GPI: variants seen among roughly 807,000 people sequenced by gnomAD.
The protein encoded by GPI is D-hexose-6-phosphate anomerase.
In GPI, 56 loss-of-function variants were observed where a neutral mutation model predicts 75.8. That is an observed-to-expected ratio of 0.74 (90% CI 0.60 to 0.92). The LOEUF (loss-of-function observed/expected upper bound fraction) is 0.92, where lower values mean the gene tolerates loss of function less well. Among genes scored for constraint, GPI ranks in the 40% least tolerant of loss-of-function variants. The pLI is 0.00. For missense variants in GPI, 638 were observed against 741.0 expected (o/e 0.86, Z 1.61); for synonymous variants, 288 against 285.4 (o/e 1.01, Z -0.09).
chr19:34,386,543 C>T (rs1435063607), intron 9 of GPI, among the ~76,000 whole-genome samples: 1 of 152,192 alleles, frequency 6.6e-6, no homozygotes, highest in African/African-American at 2.4e-5. Context: ...GAGTTGGATT[C>T]AGGCACAGGA....
chr19:34,399,591 G>A lies in GPI; in HGVS notation c.1434G>A (p.Val478=). The change falls in exon 16 of 18, where the codon GTG becomes GTA. Residue 478 remains valine (V), a synonymous_variant. Transcript: ENST00000356487. ...GAAATCGCCCAACCAACTCTATTGTGTTCACCAAGCTCACACCATTCATGC... is the reference window on the plus strand; with the variant it reads ...GAAATCGCCCAACCAACTCTATTGTATTCACCAAGCTCACACCATTCATGC... The part of the protein sequence containing the change: ...FEGNRPTNSI[V]FTKLTPFMLG... 6.2e-7 allele frequency: 1 copy of A among 1,614,038 alleles called. No homozygotes were observed. Among genetic ancestry groups the A allele is most frequent in the East Asian group, 2.2e-5 (1 of 44,888 alleles).
Position 34,399,734 on chromosome 19 carries a change from A to G in GPI, c.1490A>G (p.Lys497Arg). ...LGALVAMYEHKIFVQGIIWDI... is the reference protein window; with the variant it reads ...LGALVAMYEHRIFVQGIIWDI... The stretch of plus-strand genomic sequence containing the variant: ...ACTTCTGCAGCCATGTATGAGCACA[A>G]GATCTTCGTTCAGGGCATCATCTGG... The change falls in exon 17 of 18, where the codon AAG becomes AGG. Residue 497 changes from lysine (K) to arginine (R), a missense_variant. Transcript: ENST00000356487. 6.2e-7 allele frequency: 1 copy of G among 1,614,108 alleles called. No homozygotes were observed. The highest frequency in any genetic ancestry group is 8.5e-7 in the Non-Finnish European group (1 of 1,180,024).
chr19:34,396,217 C>G, intron 12 of GPI, 84 bp from the exon 13 acceptor site: 1 of 1,515,710 alleles, frequency 6.6e-7, no homozygotes, highest in East Asian at 2.3e-5. Flanking sequence ...GAATTACAGG[C>G]TTGAGCCACT....
In GPI at chr19:34,399,310, A is replaced by G. The variant is rs2145436505; in HGVS notation, c.1373A>G (p.Asp458Gly). 6.2e-7 allele frequency: 1 copy of G among 1,614,092 alleles called. No individual in the cohort carries two copies. Among genetic ancestry groups the G allele is most frequent in the Admixed American group, 1.7e-5 (1 of 60,028 alleles). Residue 458 changes from aspartate (D) to glycine (G), a missense_variant, in exon 15 of 18, where the codon GAC becomes GGC. Transcript: ENST00000356487. ...CAGGCTGCGGGCAAGAGTCCAGAGG[A>G]CCTTGAGAGGCTGCTGCCACATAAG... ...ELQAAGKSPEDLERLLPHKVF... is the reference protein window; with the variant it reads ...ELQAAGKSPEGLERLLPHKVF...
At chr19:34,366,313 G>C in intron 1 of GPI, 32 bp from the exon 2 acceptor site, 6 of 1,349,848 alleles carry the variant, frequency 4.4e-6, no homozygotes, top group Non-Finnish European at 6.4e-6. Context: ...GGAGACCAGG[G>C]TGTGGTCAGC....
intron 9 of GPI, among the ~76,000 whole-genome samples, chr19:34,389,663 C>T (rs1004467887): frequency 2.0e-5 from 3 of 152,170 alleles, no homozygotes; most frequent in African/African-American, 7.2e-5. Context: ...GGGACCTTTG[C>T]ATGTGCTGTT....
At chr19:34,377,455 G>C (rs1434495957) in intron 4 of GPI, 48 bp from the exon 5 acceptor site, 1 of 1,373,830 alleles carries the variant, frequency 7.3e-7, no homozygotes, top group Non-Finnish European at 1.0e-6. Context: ...TTGAGCAGCG[G>C]ATTATGCCTG....
Position 34,366,378 on chromosome 19 carries a change from G to T in GPI, c.156G>T (p.Leu52=). Residue 52 remains leucine, a synonymous_variant, in exon 2 of 18, where the codon CTG becomes CTT. Transcript: ENST00000356487. ...LTLNTNHGHI[L]VDYSKNLVTE... Reference sequence around the variant, plus strand: ...TCAACACCAACCATGGGCATATCCTGGTGGATTACTCCAAGAACCTGGTGA... The same window carrying T: ...TCAACACCAACCATGGGCATATCCTTGTGGATTACTCCAAGAACCTGGTGA... 6.2e-7 allele frequency: 1 copy of T among 1,613,384 alleles called. No individual in the cohort carries two copies. The highest frequency in any genetic ancestry group is 8.5e-7 in the Non-Finnish European group (1 of 1,179,282).
At chr19:34,371,558 T>TA (rs1261854423) in intron 4 of GPI, among the ~76,000 whole-genome samples, 4 of 151,956 alleles carry the variant, frequency 2.6e-5, no homozygotes, top group Non-Finnish European at 5.9e-5. Flanking sequence ...GTAATAAAGA[T>TA]AGACACATTT....
chr19:34,366,724 G>A lies in GPI; in HGVS notation c.214-59G>A, dbSNP rs2074370998. 3.4e-6 allele frequency: 4 copies of A among 1,165,390 alleles called. No homozygotes were observed. The African/African-American group carries it at 4.5e-5, about 13-fold the overall frequency. The allele number at this position is 1,165,390 out of a possible 1,614,324, so 72.2% of individuals were successfully genotyped here. A position where few individuals can be genotyped will look rare whatever the true frequency, so the allele number is the denominator to read the frequency against. On this transcript the variant is annotated intron_variant, in intron 2 of 17. Coordinates refer to ENST00000356487, the MANE Select transcript of GPI (RefSeq NM_000175.5). The stretch of plus-strand genomic sequence containing the variant: ...ACAGCACCAAGCCTTGTGTTTGGGG[G>A]CTGACACTTGGGGTGGCCAGTGTGG...
At chr19:34,369,614 G>A (rs2074420445) in intron 4 of GPI, among the ~76,000 whole-genome samples, 1 of 152,048 alleles carries the variant, frequency 6.6e-6, no homozygotes, top group Non-Finnish European at 1.5e-5. Context: ...GACTGAGGCA[G>A]GAGAATCGCT....
rs1336361008 is a variant in GPI at position 34,396,665 on chromosome 19, CCCCCATCTGG to C, written c.1269+19_1269+28del. The C allele has an allele frequency of 3.1e-6, 5 of 1,612,028 alleles. No homozygotes were observed. The African/African-American group carries it at 6.7e-5, about 22-fold the overall frequency. On this transcript the variant is annotated intron_variant, in intron 14 of 17. Coordinates refer to ENST00000356487, the MANE Select transcript of GPI (RefSeq NM_000175.5). ...AAGGGTCTGCATCACAAGGTAAGAG[CCCCCATCTGG>C]CCCCATCTGGGGGGTCTGGCTCACA...
At position 34,390,622 on chromosome 19, in the gene GPI, T is replaced by A. The variant is rs530583408; in HGVS notation, c.805-2626T>A. The stretch of plus-strand genomic sequence containing the variant: ...ACAGCAGGTTACAGGTATGAGGCCC[T>A]GGGTCTGCTGGTGTCTGAGGAGGTA... On this transcript the variant is annotated intron_variant, in intron 9 of 17. Transcript: ENST00000356487. Among the ~76,000 whole-genome samples the A allele has an allele frequency of 4.6e-5, 7 of 151,162 alleles. No homozygotes were observed. In the South Asian group the frequency reaches 1.5e-3, roughly 32 times the overall value.
At chr19:34,368,735 C>T (rs755404840) in intron 4 of GPI, 33 bp downstream of exon 4, 12 of 1,613,372 alleles carry the variant, frequency 7.4e-6, no homozygotes, top group Non-Finnish European at 2.5e-6. Context: ...TCACCCTTGG[C>T]CGTGTGTGTG....
At chr19:34,365,753 C>G (rs1568323530) in intron 1 of GPI, 1 of 490,632 alleles carries the variant, frequency 2.0e-6, no homozygotes. Flanking sequence ...AAGGGCTGTC[C>G]CTTTCCATCC....
chr19:34,365,654 C>G (rs1157320867), intron 1 of GPI: 1 of 627,508 alleles, frequency 1.6e-6, no homozygotes, highest in African/African-American at 1.8e-5. Context: ...GGACATTTCC[C>G]CTCCTCCTCC....
intron 4 of GPI, among the ~76,000 whole-genome samples, 163 bp from the exon 5 acceptor site, chr19:34,377,323 AAAAAAAAAAAAAAATAT>A (rs61610801): frequency 0.025 from 2,439 of 98,038 alleles, 134 homozygotes; most frequent in East Asian, 0.11. Context: ...AAAAAAAAAA[AAAAAAAAAAAAAAATAT>A]ATATATATAT....
At chr19:34,364,183 A>AT (rs1274379048), upstream of GPI, among the ~76,000 whole-genome samples, 1 of 150,944 alleles carries the variant, frequency 6.6e-6, no homozygotes, top group Non-Finnish European at 1.5e-5. Context: ...GCACCACCAC[A>AT]TGCCCCGCTA....
rs2074943691 is a variant in GPI, at chr19:34,396,328, A to G, written c.1090A>G (p.Ile364Val). 6.2e-7 allele frequency: 1 copy of G among 1,614,090 alleles called. No homozygotes were observed. The highest frequency in any genetic ancestry group is 8.5e-7 in the Non-Finnish European group (1 of 1,180,038). The change falls in exon 13 of 18, where the codon ATC becomes GTC. Residue 364 changes from isoleucine to valine, a missense_variant. Transcript: ENST00000356487. ...QGDMESNGKY[I>V]TKSGTRVDHQ... ...CGACATGGAGTCCAATGGGAAATAC[A>G]TCACCAAATCTGGAACCCGTGTGGA...
Sources: gnomAD v4.1 joint callset for allele counts (sites outside exome capture counted in the v4.1 genomes callset) on GRCh38, gnomAD v4.1.1 for gene constraint, MANE v1.5 for transcripts, NCBI Gene and HGNC (gene_info 2026-07-23, HGNC 2026-07-21) for gene names.